Variants in RBFOX1 observed in about 807,000 individuals in gnomAD.
The protein encoded by RBFOX1 is RNA binding fox-1 homolog 1.
A neutral mutation model predicts 57.7 loss-of-function variants in RBFOX1; 8 were observed. That is an observed-to-expected ratio of 0.14 (90% confidence interval 0.08 to 0.25). The LOEUF (loss-of-function observed/expected upper bound fraction) is 0.25, where lower values mean the gene tolerates loss of function less well. Among genes scored for constraint, RBFOX1 ranks in the 10% least tolerant of loss-of-function variants. RBFOX1 has a pLI of 1.00. For synonymous variants in RBFOX1, 326 were observed against 222.4 expected, an observed-to-expected ratio of 1.47 and a Z score of -4.15; for missense variants, 611 against 548.5, an observed-to-expected ratio of 1.11 and a Z score of -1.14.
At chr16:5,821,416 C>T (rs937566035) in intron 3 of RBFOX1, among the ~76,000 whole-genome samples, 4 of 150,704 alleles carry the variant, frequency 2.7e-5, no homozygotes, top group Non-Finnish European at 5.9e-5. Flanking sequence ...AGTTCTTCTG[C>T]CTCAGCCTCC....
chr16:6,310,414 G>C (rs540423540), intron 1 of RBFOX1, among the ~76,000 whole-genome samples: 8 of 152,160 alleles, frequency 5.3e-5, no homozygotes, highest in Non-Finnish European at 1.0e-4. Flanking sequence ...GTAAAACTTT[G>C]TTTATTAAAA....
chr16:6,907,982 C>A (rs980695006), intron 3 of RBFOX1, among the ~76,000 whole-genome samples: 4 of 151,698 alleles, frequency 2.6e-5, no homozygotes, highest in African/African-American at 9.7e-5. Context: ...ATGGATGTCT[C>A]TGTGTCTCTA....
At chr16:7,116,808 A>G (rs2065998172) in intron 4 of RBFOX1, among the ~76,000 whole-genome samples, 1 of 152,148 alleles carries the variant, frequency 6.6e-6, no homozygotes, top group South Asian at 2.1e-4. Flanking sequence ...ATGCAGAGGC[A>G]TATAACAGCA....
intron 3 of RBFOX1, among the ~76,000 whole-genome samples, chr16:5,801,944 G>C (rs745726881): frequency 2.4e-4 from 37 of 152,158 alleles, no homozygotes; most frequent in Non-Finnish European, 4.9e-4. Flanking sequence ...CTCCCCCGGA[G>C]GGTTGGACGT....
At chr16:5,418,096 C>CAAG (rs1206855122) in intron 1 of RBFOX1, among the ~76,000 whole-genome samples, 4 of 151,794 alleles carry the variant, frequency 2.6e-5, no homozygotes, top group Non-Finnish European at 5.9e-5. Flanking sequence ...ACAACAACAA[C>CAAG]AACAACAAAT....
intron 2 of RBFOX1, chr16:6,483,312 G>A: frequency 1.4e-6 from 2 of 1,415,364 alleles, no homozygotes; most frequent in Non-Finnish European, 1.8e-6. Context: ...GCGCCCGCGC[G>A]CTCGGGGCGT....
At chr16:7,698,924 A>ACT (rs1266160957) in intron 14 of RBFOX1, among the ~76,000 whole-genome samples, 48 of 152,334 alleles carry the variant, frequency 3.2e-4, no homozygotes, top group Non-Finnish European at 6.5e-4. Context: ...AGATAGTCTG[A>ACT]ATTAGCCTAA....
chr16:6,478,769 A>G (rs555610388), intron 2 of RBFOX1, among the ~76,000 whole-genome samples: 1 of 152,236 alleles, frequency 6.6e-6, no homozygotes, highest in Non-Finnish European at 1.5e-5. Context: ...TGGAACAGTC[A>G]GAACACACAC....
At chr16:7,117,986 A>C (rs1011704024) in intron 4 of RBFOX1, among the ~76,000 whole-genome samples, 4 of 152,184 alleles carry the variant, frequency 2.6e-5, no homozygotes, top group Non-Finnish European at 5.9e-5. Flanking sequence ...TTATGCAATC[A>C]CTTAGGTTGA....
At chr16:6,923,226 C>T (rs559328092) in intron 3 of RBFOX1, among the ~76,000 whole-genome samples, 70 of 152,262 alleles carry the variant, frequency 4.6e-4, no homozygotes, top group South Asian at 1.5e-3. Flanking sequence ...CAGCCCAGCC[C>T]CACAGGCTGC....
At chr16:6,866,002 G>C (rs540949641) in intron 3 of RBFOX1, among the ~76,000 whole-genome samples, 88 of 152,190 alleles carry the variant, frequency 5.8e-4, no homozygotes, top group African/African-American at 2.1e-3. Flanking sequence ...GGAAAAAAGA[G>C]GGAGTAATAT....
intron 2 of RBFOX1, among the ~76,000 whole-genome samples, chr16:6,484,600 A>G (rs1245343019): frequency 2.0e-5 from 3 of 152,162 alleles, no homozygotes; most frequent in South Asian, 2.1e-4. Flanking sequence ...TCAGTCTACA[A>G]TGATCACCTA....
intron 4 of RBFOX1, among the ~76,000 whole-genome samples, chr16:7,119,866 T>C (rs1214526356): frequency 6.6e-6 from 1 of 152,112 alleles, no homozygotes; most frequent in East Asian, 1.9e-4. Context: ...AGTTAAAATG[T>C]GTAATCAACA....
chr16:5,719,496 C>T (rs907937079), intron 3 of RBFOX1, among the ~76,000 whole-genome samples: 2 of 152,038 alleles, frequency 1.3e-5, no homozygotes, highest in African/African-American at 4.8e-5. Context: ...AGGCATGAGC[C>T]ACTGCCCTAG....
chr16:6,483,034 G>C, intron 2 of RBFOX1: 1 of 662,734 alleles, frequency 1.5e-6, no homozygotes, highest in Non-Finnish European at 1.9e-6. Context: ...GGGCGAGAGA[G>C]GGCGAGCGGC....
chr16:6,479,449 A>C (rs999895117), intron 2 of RBFOX1, among the ~76,000 whole-genome samples: 6 of 151,876 alleles, frequency 4.0e-5, no homozygotes, highest in Non-Finnish European at 5.9e-5. Context: ...TTAGCCCGGC[A>C]TGGTGGCACA....
At chr16:5,941,538 A>C (rs2059278067) in intron 4 of RBFOX1, among the ~76,000 whole-genome samples, 1 of 152,088 alleles carries the variant, frequency 6.6e-6, no homozygotes, top group Non-Finnish European at 1.5e-5. Flanking sequence ...ACTAATATTT[A>C]CTGAGGGTCC....
At chr16:7,209,238 G>A (rs796816485) in intron 4 of RBFOX1, among the ~76,000 whole-genome samples, 1 of 151,976 alleles carries the variant, frequency 6.6e-6, no homozygotes, top group African/African-American at 2.4e-5. Context: ...GGGAGACTGA[G>A]GCAGGAGAAT....
chr16:5,692,168 TGTGTGTGTGTGTGTGTGTGTGTGTGTGTG>T lies in RBFOX1; in HGVS notation c.318+93208_318+93236del, dbSNP rs2050704722. On this transcript the variant is annotated intron_variant, in intron 3 of 19. Transcript: ENST00000641259. ...ACCCATGCATAATAGGGACTGACTG[TGTGTGTGTGTGTGTGTGTGTGTGTGTGTG>T]TGTGTGTGTGTGTGTGTTTGTGTTT... Among the ~76,000 whole-genome samples, 1,027 of 143,542 alleles carry T rather than the reference TGTGTGTGTGTGTGTGTGTGTGTGTGTGTG, an allele frequency of 7.2e-3. 10 individuals carry two copies. Among genetic ancestry groups the T allele is most frequent in the African/African-American group, 0.027 (986 of 36,292 alleles). 94.2% of individuals were successfully genotyped at this position (143,542 alleles called of 152,430 possible). A position where few individuals can be genotyped will look rare whatever the true frequency, so the allele number is the denominator to read the frequency against.
Sources: gnomAD v4.1 joint callset for allele counts (sites outside exome capture counted in the v4.1 genomes callset) on GRCh38, gnomAD v4.1.1 for gene constraint, MANE v1.5 for transcripts, NCBI Gene and HGNC (gene_info 2026-07-23, HGNC 2026-07-21) for gene names.